Variants in POLR3C observed in about 807,000 individuals in gnomAD.
The protein encoded by POLR3C is RNA polymerase III subunit C.
POLR3C carries 44 observed loss-of-function variants against 65.9 expected under a neutral mutation model. The observed-to-expected ratio is 0.67, with a 90% CI of 0.52 to 0.86. The LOEUF (loss-of-function observed/expected upper bound fraction) is 0.86. POLR3C is among the 40% of genes least tolerant of loss of function. The probability of loss-of-function intolerance (pLI) is 0.00; values close to 1 mark genes in which losing one functional copy is unlikely to be tolerated. For missense variants in POLR3C, 576 were observed against 653.2 expected (o/e 0.88, Z 1.29); for synonymous variants, 263 against 231.6 (o/e 1.14, Z -1.23).
In POLR3C at chr1:145,836,868, T is replaced by A. The variant is rs1651894325; in HGVS notation, c.1009+2T>A. 6.5e-7 allele frequency: 1 copy of A among 1,542,050 alleles called. No individual in the cohort carries two copies. Among genetic ancestry groups the A allele is most frequent in the African/African-American group, 1.4e-5 (1 of 73,200 alleles). ...GTGGTGGAGGAATGTATGTCATCAG[T>A]ATCCTTACCAGTTATTTCCTTAGAG... On this transcript the variant is annotated splice_donor_variant, in intron 9 of 14. Coordinates refer to ENST00000334163, the MANE Select transcript of POLR3C (RefSeq NM_006468.8). LOFTEE classifies it high-confidence loss of function.
At chr1:145,836,688 CCAGA>C (rs2101651855) in intron 8 of POLR3C, 114 bp downstream of exon 8, 1 of 938,596 alleles carries the variant, frequency 1.1e-6, no homozygotes, top group Non-Finnish European at 1.8e-6. Flanking sequence ...CCTAGCCAGC[CCAGA>C]CAATTTCTCC....
In POLR3C at chr1:145,825,880, C is replaced by A; in HGVS notation, c.104C>A (p.Pro35Gln). Residue 35 changes from proline (P) to glutamine (Q), a missense_variant, in exon 2 of 15, where the codon CCA (proline) becomes CAA (glutamine). Physicochemically the swap from Pro to Gln is moderately conservative, Grantham distance 76. Coordinates refer to ENST00000334163, the MANE Select transcript of POLR3C (RefSeq NM_006468.8). ...GVHLIRTGSQ[P>Q]LRVIAHDTGT... ...CATCTGATAAGAACCGGCAGCCAGC[C>A]ACTAAGAGTAATTGCCCATGACACA... The A allele has an allele frequency of 6.2e-7, 1 of 1,613,502 alleles. No homozygotes were observed. Among genetic ancestry groups the A allele is most frequent in the Non-Finnish European group, 8.5e-7 (1 of 1,179,400 alleles).
At chr1:145,841,328 G>A (rs979281188) in intron 14 of POLR3C, among the ~76,000 whole-genome samples, 10 of 152,180 alleles carry the variant, frequency 6.6e-5, no homozygotes, top group Admixed American at 1.3e-4. Flanking sequence ...TTTTGGCTGT[G>A]TTGCCCAGAC....
rs782772236 is a variant in POLR3C at position 145,841,015 on chromosome 1, G to A, written c.1467G>A (p.Glu489=). The A allele has an allele frequency of 3.1e-6, 5 of 1,613,476 alleles. No homozygotes were observed. In the African/African-American group the frequency reaches 6.7e-5, roughly 22 times the overall value. ...AAGCACAGTTACAAGAAATAGAGGA[G>A]ATGATCACAGCTCCTGAACGTCAGC... ...AEEAQLQEIE[E]MITAPERQQL... Residue 489 remains glutamate, a synonymous_variant, in exon 14 of 15, where the codon GAG becomes GAA. Transcript: ENST00000334163.
intron 7 of POLR3C, among the ~76,000 whole-genome samples, chr1:145,834,762 A>C (rs2101647426): frequency 6.6e-6 from 1 of 152,336 alleles, no homozygotes; most frequent in East Asian, 1.9e-4. Context: ...ATGGGACCAC[A>C]GCTGCACACG....
At chr1:145,838,265 G>A in intron 11 of POLR3C, 59 bp downstream of exon 11, 1 of 1,395,764 alleles carries the variant, frequency 7.2e-7, no homozygotes, top group Non-Finnish European at 1.0e-6. Context: ...GGTGAGAGAA[G>A]CTTCTTAGGC....
chr1:145,829,628 G>A (rs587773019), intron 5 of POLR3C, among the ~76,000 whole-genome samples: 17 of 152,272 alleles, frequency 1.1e-4, no homozygotes, highest in Admixed American at 1.0e-3. Context: ...GAAGCCTTAC[G>A]TGATCTAGGT....
intron 1 of POLR3C, 141 bp from the exon 2 acceptor site, chr1:145,825,616 C>A: frequency 1.9e-6 from 1 of 517,400 alleles, no homozygotes; most frequent in Non-Finnish European, 3.4e-6. Flanking sequence ...ATTGTTGTTT[C>A]AAAGATATGC....
intron 4 of POLR3C, among the ~76,000 whole-genome samples, chr1:145,827,930 G>A (rs1475139631): frequency 6.8e-6 from 1 of 147,520 alleles, no homozygotes; most frequent in Non-Finnish European, 1.5e-5. Flanking sequence ...TCTGTCTCGG[G>A]AAAAAAAAAA....
chr1:145,828,973 A>G (rs1279190710), intron 5 of POLR3C, 136 bp downstream of exon 5: 4 of 602,068 alleles, frequency 6.6e-6, no homozygotes, highest in Non-Finnish European at 1.2e-5. Context: ...AATATTAGGA[A>G]TAGACTAACA....
intron 7 of POLR3C, among the ~76,000 whole-genome samples, chr1:145,834,508 CAAAAA>C (rs57975068): frequency 9.2e-6 from 1 of 108,792 alleles, no homozygotes; most frequent in Non-Finnish European, 2.1e-5. Flanking sequence ...TACTAAAATA[CAAAAA>C]AAAAAAAAAA....
At chr1:145,826,763 A>C in intron 3 of POLR3C, 54 bp downstream of exon 3, 2 of 1,608,010 alleles carry the variant, frequency 1.2e-6, no homozygotes, top group Non-Finnish European at 1.7e-6. Context: ...TGGCTATGGG[A>C]GTGAACCCTG....
chr1:145,830,876 G>C lies in POLR3C; in HGVS notation c.678+2039G>C, dbSNP rs188638026. On this transcript the variant is annotated intron_variant, in intron 5 of 14. Coordinates refer to ENST00000334163, the MANE Select transcript of POLR3C (RefSeq NM_006468.8). Reference sequence around the variant, plus strand: ...CCCAGCATTTTGGGAGGCTGACGTAGAAGAATCACTTGAGCCCAGGAGTTT... The same window carrying C: ...CCCAGCATTTTGGGAGGCTGACGTACAAGAATCACTTGAGCCCAGGAGTTT... Among the ~76,000 whole-genome samples, 157 of 151,944 alleles carry C rather than the reference G, an allele frequency of 1.0e-3. 1 individual carries two copies. Among genetic ancestry groups the C allele is most frequent in the Non-Finnish European group, 1.8e-3 (122 of 67,970 alleles).
rs868908200 is a variant in POLR3C at position 145,825,196 on chromosome 1, C to T, written c.-20-561C>T. Among the ~76,000 whole-genome samples the T allele has an allele frequency of 2.6e-4, 39 of 152,134 alleles. No individual in the cohort carries two copies. In the Middle Eastern group the frequency reaches 0.014, roughly 53 times the overall value. ...CGATCTCGGCTCACTGCAACCTCTG[C>T]CTCCCGGCTTCAAGCGATTCTCCTG... On this transcript the variant is annotated intron_variant, in intron 1 of 14. Transcript: ENST00000334163.
chr1:145,839,754 C>G (rs1652143625), intron 11 of POLR3C, 136 bp from the exon 12 acceptor site: 3 of 621,928 alleles, frequency 4.8e-6, no homozygotes, highest in Non-Finnish European at 8.6e-6. Context: ...AAAATAAACA[C>G]AGGTACTGAA....
chr1:145,830,713 G>A (rs1254409555), intron 5 of POLR3C, among the ~76,000 whole-genome samples: 2 of 151,814 alleles, frequency 1.3e-5, no homozygotes, highest in East Asian at 3.9e-4. Flanking sequence ...GCAGGATAAT[G>A]GCCTGAACCT....
intron 14 of POLR3C, among the ~76,000 whole-genome samples, chr1:145,841,417 C>T (rs868926299): frequency 1.3e-5 from 2 of 152,190 alleles, no homozygotes; most frequent in East Asian, 1.9e-4. Context: ...AGTGCCACTG[C>T]GCTGGCTTAA....
intron 5 of POLR3C, 63 bp downstream of exon 5, chr1:145,828,900 A>G: frequency 2.3e-6 from 2 of 872,174 alleles, no homozygotes; most frequent in Non-Finnish European, 3.9e-6. Flanking sequence ...CACTCAGATA[A>G]CAAGCCCCAA....
chr1:145,827,861 G>A (rs923214377), intron 4 of POLR3C, among the ~76,000 whole-genome samples: 2 of 152,046 alleles, frequency 1.3e-5, no homozygotes, highest in East Asian at 3.9e-4. Flanking sequence ...CCAGGAGACA[G>A]CGATTGCAGT....
Sources: gnomAD v4.1 joint callset for allele counts (sites outside exome capture counted in the v4.1 genomes callset) on GRCh38, gnomAD v4.1.1 for gene constraint, MANE v1.5 for transcripts, NCBI Gene and HGNC (gene_info 2026-07-23, HGNC 2026-07-21) for gene names.